KCNQ3: variants seen among roughly 807,000 people sequenced by gnomAD.
KCNQ3 encodes potassium voltage-gated channel subfamily Q member 3.
In KCNQ3, 30 loss-of-function variants were observed where a neutral mutation model predicts 92.5. The observed-to-expected ratio is 0.32, with a 90% CI of 0.24 to 0.44. The LOEUF is 0.44. Among genes scored for constraint, KCNQ3 ranks in the 20% least tolerant of loss-of-function variants. KCNQ3 has a pLI of 1.00. For synonymous variants in KCNQ3, 450 were observed against 468.8 expected (o/e 0.96, Z 0.52); for missense variants, 913 against 1,140.3 (o/e 0.80, Z 2.87).
At chr8:132,234,576 AC>A in intron 1 of KCNQ3, among the ~76,000 whole-genome samples, 2 of 152,184 alleles carry the variant, frequency 1.3e-5, no homozygotes, top group Admixed American at 1.3e-4. Flanking sequence ...TGAAACACAC[AC>A]TATATACTGG....
chr8:132,139,445 A>ATCT (rs1358645845), intron 11 of KCNQ3, among the ~76,000 whole-genome samples: 6 of 152,240 alleles, frequency 3.9e-5, no homozygotes, highest in African/African-American at 1.2e-4. Context: ...TGGACTGGGA[A>ATCT]TCTTGCGGAA....
At chr8:132,435,891 T>G (rs540789349) in intron 1 of KCNQ3, among the ~76,000 whole-genome samples, 11 of 152,256 alleles carry the variant, frequency 7.2e-5, no homozygotes, top group Admixed American at 5.2e-4. Context: ...CTTGTCCTCA[T>G]CATTTGGCAT....
intron 1 of KCNQ3, among the ~76,000 whole-genome samples, chr8:132,416,829 G>C (rs1051289093): frequency 1.3e-5 from 2 of 152,160 alleles, no homozygotes; most frequent in African/African-American, 4.8e-5. Flanking sequence ...AGACAGGAAG[G>C]CTGGGTAAGT....
intron 8 of KCNQ3, 46 bp downstream of exon 8, chr8:132,170,288 G>T: frequency 7.3e-7 from 1 of 1,362,138 alleles, no homozygotes. Flanking sequence ...GACCGCAGGA[G>T]AGATGGCTGG....
chr8:132,243,959 G>C (rs144348537), intron 1 of KCNQ3, among the ~76,000 whole-genome samples: 1 of 152,164 alleles, frequency 6.6e-6, no homozygotes, highest in Admixed American at 6.5e-5. Context: ...CAATGGCAAC[G>C]AGCATTCACT....
At chr8:132,306,389 T>G (rs1169049950) in intron 1 of KCNQ3, among the ~76,000 whole-genome samples, 1 of 152,222 alleles carries the variant, frequency 6.6e-6, no homozygotes, top group African/African-American at 2.4e-5. Flanking sequence ...AATCATCTAC[T>G]GTCCTTGCAG....
At chr8:132,310,933 C>T (rs908864633) in intron 1 of KCNQ3, among the ~76,000 whole-genome samples, 5 of 151,200 alleles carry the variant, frequency 3.3e-5, no homozygotes, top group African/African-American at 7.3e-5. Flanking sequence ...AGTCACCTTA[C>T]GACTTTTTTT....
At chr8:132,406,885 C>T (rs759184408) in intron 1 of KCNQ3, among the ~76,000 whole-genome samples, 82 of 152,174 alleles carry the variant, frequency 5.4e-4, no homozygotes, top group Non-Finnish European at 9.1e-4. Context: ...AGAAAGGGGC[C>T]AAGACAATTT....
intron 1 of KCNQ3, among the ~76,000 whole-genome samples, chr8:132,186,960 G>GAGAC (rs1554629037): frequency 8.9e-5 from 12 of 134,346 alleles, no homozygotes; most frequent in South Asian, 2.4e-4. Context: ...GAGAGACAGA[G>GAGAC]AGAGAGAGAG....
chr8:132,269,665 C>T lies in KCNQ3; in HGVS notation c.387-83484G>A, dbSNP rs998880266. The stretch of plus-strand genomic sequence containing the variant: ...AGACTTCATATCAGAGAGAAATTAC[C>T]GTGTAGTTTAAACCACTGCTGTGAC... On this transcript the variant is annotated intron_variant, in intron 1 of 14. Transcript: ENST00000388996. Among the ~76,000 whole-genome samples, 6 of 152,232 alleles carry T rather than the reference C, an allele frequency of 3.9e-5. No individual in the cohort carries two copies. In the East Asian group the frequency reaches 1.2e-3, roughly 29 times the overall value.
chr8:132,248,183 TG>T, intron 1 of KCNQ3, among the ~76,000 whole-genome samples: 1 of 152,096 alleles, frequency 6.6e-6, no homozygotes, highest in Non-Finnish European at 1.5e-5. Context: ...AGCTCTCTCT[TG>T]GGTTTCTGAG....
In KCNQ3 at chr8:132,211,721, G is replaced by C. The variant is rs551652644; in HGVS notation, c.387-25540C>G. Among the ~76,000 whole-genome samples, 4 of 152,198 alleles carry C rather than the reference G, an allele frequency of 2.6e-5. No individual in the cohort carries two copies. In the South Asian group the frequency reaches 8.3e-4, roughly 32 times the overall value. On this transcript the variant is annotated intron_variant, in intron 1 of 14. Transcript: ENST00000388996. ...TAATCCCAGCACTTTGGGAGGCCAA[G>C]GCGGGTGGATCACGAGGTCAGGCAT...
At chr8:132,294,555 G>A (rs1816960499) in intron 1 of KCNQ3, among the ~76,000 whole-genome samples, 1 of 152,178 alleles carries the variant, frequency 6.6e-6, no homozygotes, top group African/African-American at 2.4e-5. Flanking sequence ...GGGAGATTTT[G>A]AGATTTACTT....
intron 1 of KCNQ3, among the ~76,000 whole-genome samples, chr8:132,306,616 A>G (rs149922759): frequency 2.6e-5 from 4 of 152,352 alleles, no homozygotes; most frequent in African/African-American, 9.6e-5. Context: ...CTAAATTTAT[A>G]CAAAAGGGGA....
At chr8:132,174,432 T>G (rs1826480690) in intron 5 of KCNQ3, 83 bp from the exon 6 acceptor site, 1 of 1,051,860 alleles carries the variant, frequency 9.5e-7, no homozygotes, top group African/African-American at 1.6e-5. Flanking sequence ...CCTGTAAGCC[T>G]CTCCATCAGC....
intron 1 of KCNQ3, among the ~76,000 whole-genome samples, chr8:132,456,994 T>C (rs373071454): frequency 3.3e-5 from 5 of 152,202 alleles, no homozygotes; most frequent in African/African-American, 9.7e-5. Context: ...CTCCTACATA[T>C]GTATTTTTGC....
chr8:132,422,326 A>C (rs1482773411), intron 1 of KCNQ3, among the ~76,000 whole-genome samples: 1 of 152,174 alleles, frequency 6.6e-6, no homozygotes, highest in Non-Finnish European at 1.5e-5. Flanking sequence ...ACTCAAGTCC[A>C]GCCACCACCA....
chr8:132,214,930 G>T (rs1188940231), intron 1 of KCNQ3, among the ~76,000 whole-genome samples: 2 of 152,228 alleles, frequency 1.3e-5, no homozygotes, highest in African/African-American at 2.4e-5. Context: ...ACTCCTGCCA[G>T]GGCTGGGGCT....
At chr8:132,396,628 A>T (rs561828984) in intron 1 of KCNQ3, among the ~76,000 whole-genome samples, 1 of 152,314 alleles carries the variant, frequency 6.6e-6, no homozygotes, top group East Asian at 1.9e-4. Context: ...ATTATAAGAC[A>T]GTCCCCAAGA....
Sources: allele counts gnomAD v4.1 joint callset (sites outside exome capture counted in the v4.1 genomes callset), GRCh38; gene constraint gnomAD v4.1.1; transcripts MANE v1.5; gene names NCBI Gene and HGNC (gene_info 2026-07-23, HGNC 2026-07-21).